The following TMEM232 variants were observed in gnomAD, a reference collection of about 807,000 sequenced individuals.
TMEM232 encodes the protein transmembrane protein 232.
TMEM232 carries 80 observed loss-of-function variants against 78.8 expected under a neutral mutation model. That is an observed-to-expected ratio of 1.01 (90% CI 0.85 to 1.22). The LOEUF is 1.22. Among genes scored for constraint, TMEM232 ranks in the 50% most tolerant of loss-of-function variants. TMEM232 has a pLI of 0.00. For missense variants in TMEM232, 881 were observed against 742.2 expected (o/e 1.19, Z -2.17); for synonymous variants, 297 against 254.3 (o/e 1.17, Z -1.60).
rs368308474 is a variant in TMEM232, at chr5:110,686,152, T to C, written c.-12-18788A>G. 9.9e-5 allele frequency among the ~76,000 whole-genome samples: 15 copies of C among 152,122 alleles called. 1 individual carries two copies. The East Asian group carries it at 2.5e-3, about 26-fold the overall frequency. ...CCTTGCCACTCCCCCAAACAAGAGA[T>C]AGAGTCTAATCCCAATACTTGTGAA... On this transcript the variant is annotated intron_variant, in intron 1 of 13. Coordinates refer to ENST00000455884, the MANE Select transcript of TMEM232 (RefSeq NM_001039763.4).
In TMEM232 at chr5:110,617,574, T is replaced by G. The variant is rs143164389; in HGVS notation, c.902+855A>C. Among the ~76,000 whole-genome samples, 1,481 of 152,228 alleles carry G rather than the reference T, an allele frequency of 9.7e-3. 34 individuals are homozygous for G. The highest frequency in any genetic ancestry group is 0.033 in the African/African-American group (1,383 of 41,536). Reference sequence around the variant, plus strand: ...ATCTGTCAATTTAAAAAATCTTTCCTCCACTGAACTCATGCTGAAACTATG... The same window carrying G: ...ATCTGTCAATTTAAAAAATCTTTCCGCCACTGAACTCATGCTGAAACTATG... On this transcript the variant is annotated intron_variant, in intron 8 of 13. Transcript: ENST00000455884.
chr5:110,606,198 T>TCTCTCACTACGTCCATTAAAG lies in TMEM232; in HGVS notation c.971_991dup (p.Ala324_Arg330dup), dbSNP rs1411810663. On this transcript the variant is annotated inframe_insertion, in exon 9 of 14. Coordinates refer to ENST00000455884, the MANE Select transcript of TMEM232 (RefSeq NM_001039763.4). The stretch of plus-strand genomic sequence containing the variant: ...AACAGACATAATGCTTGAAACAAAA[T>TCTCTCACTACGTCCATTAAAG]CTCTCACTACGTCCATTAAAGCTTT... 1 of 1,548,174 alleles carries TCTCTCACTACGTCCATTAAAG rather than the reference T, an allele frequency of 6.5e-7. No homozygotes were observed. Among genetic ancestry groups the TCTCTCACTACGTCCATTAAAG allele is most frequent in the Non-Finnish European group, 8.7e-7 (1 of 1,144,750 alleles).
chr5:110,625,465 A>G, intron 6 of TMEM232, 32 bp from the exon 7 acceptor site: 1 of 1,475,762 alleles, frequency 6.8e-7, no homozygotes, highest in East Asian at 2.5e-5. Context: ...GTGAGAAATA[A>G]TTTATTAATA....
intron 1 of TMEM232, among the ~76,000 whole-genome samples, chr5:110,687,944 T>TA (rs951363800): frequency 1.2e-4 from 18 of 152,012 alleles, no homozygotes; most frequent in Non-Finnish European, 2.2e-4. Context: ...TGGAAATAGT[T>TA]AAAAAAATAA....
chr5:110,421,222 C>A (rs561733349), intron 13 of TMEM232, among the ~76,000 whole-genome samples: 3 of 151,882 alleles, frequency 2.0e-5, no homozygotes, highest in African/African-American at 7.2e-5. Flanking sequence ...GCATACTATG[C>A]AGAAGGCCAG....
intron 12 of TMEM232, among the ~76,000 whole-genome samples, chr5:110,447,707 T>C (rs932837681): frequency 6.6e-6 from 1 of 151,916 alleles, no homozygotes; most frequent in Admixed American, 6.6e-5. Flanking sequence ...GTCGCAAGAA[T>C]AGAAAAGTCA....
intron 9 of TMEM232, 87 bp from the exon 10 acceptor site, chr5:110,605,445 GACCATAATAA>G: frequency 7.1e-7 from 1 of 1,400,226 alleles, no homozygotes; most frequent in South Asian, 1.6e-5. Flanking sequence ...ATTGTTAAAA[GACCATAATAA>G]ACTAATATAT....
Position 110,428,239 on chromosome 5 carries a change from G to T in TMEM232, c.1704-3323C>A, listed in dbSNP as rs189699037. On this transcript the variant is annotated intron_variant, in intron 12 of 13. Transcript: ENST00000455884. ...CATGTTTTATAAGGATACTGTCATTGAATTTAAGGTCCACAAAAGCAAGAT... is the reference window on the plus strand; with the variant it reads ...CATGTTTTATAAGGATACTGTCATTTAATTTAAGGTCCACAAAAGCAAGAT... Among the ~76,000 whole-genome samples, 33 of 151,792 alleles carry T rather than the reference G, an allele frequency of 2.2e-4. No homozygotes were observed. The East Asian group carries it at 5.8e-3, about 27-fold the overall frequency.
intron 11 of TMEM232, among the ~76,000 whole-genome samples, chr5:110,544,930 T>C (rs572682749): frequency 1.3e-5 from 2 of 152,256 alleles, no homozygotes; most frequent in African/African-American, 4.8e-5. Context: ...ACTGATATAG[T>C]AGCAAAAGAA....
At chr5:110,391,845 CTA>C (rs1253478337) in intron 3 of TMEM232, among the ~76,000 whole-genome samples, 2 of 152,162 alleles carry the variant, frequency 1.3e-5, no homozygotes, top group African/African-American at 4.8e-5. Flanking sequence ...CTGAGCTGGA[CTA>C]TACAGCAGTT....
rs1315980096 is a variant in TMEM232 at position 110,605,178 on chromosome 5, G to T, written c.1207C>A (p.Pro403Thr). ...KNILYLDKSV[P>T]PELKETSILS... is the part of the protein sequence containing the mutation. ...ATACTTGTTTCCTTTAATTCTGGAG[G>T]TACTGATTTGTCCAAGTATAAAATA... Residue 403 changes from proline (P) to threonine (T), a missense_variant, in exon 10 of 14, where the codon CCT (proline) becomes ACT (threonine). Transcript: ENST00000455884. 2 of 1,550,524 alleles carry T rather than the reference G, an allele frequency of 1.3e-6. No individual in the cohort carries two copies. Among genetic ancestry groups the T allele is most frequent in the East Asian group, 2.5e-5 (1 of 40,804 alleles).
At chr5:110,655,771 T>C (rs1483626796) in intron 2 of TMEM232, among the ~76,000 whole-genome samples, 3 of 151,254 alleles carry the variant, frequency 2.0e-5, no homozygotes, top group African/African-American at 7.3e-5. Context: ...ATGGATGAAA[T>C]TGGAAATGAT....
intron 12 of TMEM232, among the ~76,000 whole-genome samples, chr5:110,456,931 GGA>G (rs1311122825): frequency 6.6e-6 from 1 of 151,906 alleles, no homozygotes; most frequent in Non-Finnish European, 1.5e-5. Flanking sequence ...ACTTCTACAA[GGA>G]AATGGAATAA....
rs567376799 is a variant in TMEM232 at position 110,475,107 on chromosome 5, T to A, written c.1704-50191A>T. On this transcript the variant is annotated intron_variant, in intron 12 of 13. Coordinates refer to ENST00000455884, the MANE Select transcript of TMEM232 (RefSeq NM_001039763.4). ...TATTAAGATTCATCACACAGTCACA[T>A]AAATTAAAATTATGGTATTAGTGTA... 1.4e-3 allele frequency among the ~76,000 whole-genome samples: 210 copies of A among 152,126 alleles called. 1 individual carries two copies. The highest frequency in any genetic ancestry group is 4.9e-3 in the African/African-American group (204 of 41,552).
At chr5:110,631,273 G>A (rs1261488684) in intron 5 of TMEM232, among the ~76,000 whole-genome samples, 1 of 152,174 alleles carries the variant, frequency 6.6e-6, no homozygotes, top group East Asian at 1.9e-4. Flanking sequence ...ACACTTTCCA[G>A]AGCCTGAGAG....
intron 12 of TMEM232, among the ~76,000 whole-genome samples, chr5:110,503,508 C>T (rs565688587): frequency 6.6e-6 from 1 of 151,880 alleles, no homozygotes; most frequent in Non-Finnish European, 1.5e-5. Context: ...AGTATAGTAC[C>T]GAAGGGAAGA....
In TMEM232 at chr5:110,693,542, G is replaced by C. The variant is rs181306911; in HGVS notation, c.-12-26178C>G. On this transcript the variant is annotated intron_variant, in intron 1 of 13. Coordinates refer to ENST00000455884, the MANE Select transcript of TMEM232 (RefSeq NM_001039763.4). ...GGAAGTTCCAACCAATGGCAAAGAA[G>C]TTAAAAACCCTGAAAAACGATTAGA... 2.0e-5 allele frequency among the ~76,000 whole-genome samples: 3 copies of C among 152,288 alleles called. No homozygotes were observed. In the East Asian group the frequency reaches 5.8e-4, roughly 29 times the overall value.
intron 10 of TMEM232, among the ~76,000 whole-genome samples, chr5:110,571,127 G>A (rs868345762): frequency 2.6e-5 from 4 of 151,968 alleles, no homozygotes; most frequent in African/African-American, 9.7e-5. Flanking sequence ...CTAGCTAGGT[G>A]CCCTTGTGCC....
At chr5:110,675,115 G>A (rs546836704) in intron 1 of TMEM232, among the ~76,000 whole-genome samples, 32 of 151,810 alleles carry the variant, frequency 2.1e-4, no homozygotes, top group Non-Finnish European at 4.3e-4. Flanking sequence ...GCGCAATCTC[G>A]GCTCACTGCA....
Sources: allele counts gnomAD v4.1 joint callset (sites outside exome capture counted in the v4.1 genomes callset), GRCh38; gene constraint gnomAD v4.1.1; transcripts MANE v1.5; gene names NCBI Gene and HGNC (gene_info 2026-07-23, HGNC 2026-07-21).